Variants in SCLT1 observed in about 807,000 individuals in gnomAD.
SCLT1 encodes sodium channel and clathrin linker 1.
SCLT1 carries 78 observed loss-of-function variants against 112.8 expected under a neutral mutation model. That is an observed-to-expected ratio of 0.69 (90% CI 0.58 to 0.83). The LOEUF (loss-of-function observed/expected upper bound fraction) is 0.83. Among genes scored for constraint, SCLT1 ranks in the 40% least tolerant of loss-of-function variants. SCLT1 has a pLI of 0.00. For missense variants in SCLT1, 747 were observed against 770.4 expected, an observed-to-expected ratio of 0.97 and a Z score of 0.36; for synonymous variants, 257 against 254.7, an observed-to-expected ratio of 1.01 and a Z score of -0.09.
chr4:129,063,700 G>T (rs951731051), intron 2 of SCLT1, among the ~76,000 whole-genome samples: 1 of 152,192 alleles, frequency 6.6e-6, no homozygotes, highest in Non-Finnish European at 1.5e-5. Context: ...CTGCAAAGTG[G>T]TTAGTAGGAT....
intron 20 of SCLT1, among the ~76,000 whole-genome samples, chr4:128,886,316 T>C (rs1732889874): frequency 6.6e-6 from 1 of 152,178 alleles, no homozygotes; most frequent in Non-Finnish European, 1.5e-5. Context: ...ATTGAACCAG[T>C]AACACGATGC....
chr4:129,015,552 A>G (rs1440176309), intron 5 of SCLT1, among the ~76,000 whole-genome samples: 2 of 152,110 alleles, frequency 1.3e-5, no homozygotes, highest in Admixed American at 1.3e-4. Flanking sequence ...GAGCAAGTTG[A>G]GCCTAAGGAA....
intron 1 of SCLT1, among the ~76,000 whole-genome samples, chr4:129,092,864 T>C (rs1752972197): frequency 1.3e-5 from 2 of 152,214 alleles, no homozygotes; most frequent in Admixed American, 6.5e-5. Context: ...TAGAATTCTG[T>C]GTAAGCTACA....
chr4:128,989,116 T>C (rs979259328), intron 9 of SCLT1, among the ~76,000 whole-genome samples: 1 of 151,902 alleles, frequency 6.6e-6, no homozygotes, highest in Non-Finnish European at 1.5e-5. Flanking sequence ...ATTTGTACTA[T>C]AGACTACATT....
chr4:128,921,787 T>A (rs985272322), intron 18 of SCLT1, among the ~76,000 whole-genome samples: 1 of 152,084 alleles, frequency 6.6e-6, no homozygotes, highest in African/African-American at 2.4e-5. Context: ...AAAATAAAAG[T>A]TGACATGTGG....
Position 129,003,855 on chromosome 4 carries a change from A to G in SCLT1, c.312T>C (p.Asp104=), listed in dbSNP as rs115856712. The change falls in exon 6 of 21, where the codon GAT becomes GAC. Residue 104 remains aspartate, a synonymous_variant. Transcript: ENST00000281142. ...ENERLHSELK[D]AVEKKLEAFP... is the part of the protein sequence containing the mutation. ...AGGCCTCCAATTTTTTTTCAACAGC[A>G]TCTTTTAATTCACTGTGCAACCTTT... 1.2e-6 allele frequency: 2 copies of G among 1,612,208 alleles called. No individual in the cohort carries two copies. Among genetic ancestry groups the G allele is most frequent in the East Asian group, 2.2e-5 (1 of 44,704 alleles).
chr4:128,911,316 A>C (rs537353434), intron 18 of SCLT1, among the ~76,000 whole-genome samples: 2 of 152,314 alleles, frequency 1.3e-5, no homozygotes, highest in South Asian at 4.1e-4. Flanking sequence ...CTCTCATTTA[A>C]GTAAGATTAG....
intron 2 of SCLT1, among the ~76,000 whole-genome samples, chr4:129,055,840 A>T (rs1375972223): frequency 6.6e-6 from 1 of 151,826 alleles, no homozygotes; most frequent in Non-Finnish European, 1.5e-5. Context: ...AACAAAAACA[A>T]ACAAACAAAC....
At position 129,044,055 on chromosome 4, in the gene SCLT1, T is replaced by C. The variant is rs772301009; in HGVS notation, c.103-4A>G. ...CTTCTCCTTGGCAGACAGCTTTCTA[T>C]AAAAGAATGTACATCTTAAAATGTG... On this transcript the variant is annotated splice_region_variant and splice_polypyrimidine_tract_variant and intron_variant, in intron 2 of 20. Coordinates refer to ENST00000281142, the MANE Select transcript of SCLT1 (RefSeq NM_144643.4). 4 of 1,522,652 alleles carry C rather than the reference T, an allele frequency of 2.6e-6. No individual in the cohort carries two copies. In the African/African-American group the frequency reaches 5.5e-5, roughly 21 times the overall value. The allele number at this position is 1,522,652 out of a possible 1,614,324, so 94.3% of individuals were successfully genotyped here. A position where few individuals can be genotyped will look rare whatever the true frequency, so the allele number is the denominator to read the frequency against.
At chr4:128,874,869 CAAG>C (rs1327692438) in intron 4 of SCLT1, 28 of 152,436 alleles carry the variant, frequency 1.8e-4, no homozygotes, top group Non-Finnish European at 3.2e-4. Flanking sequence ...GTTATAAACA[CAAG>C]ATCTAAATGA....
chr4:128,925,680 G>C lies in SCLT1; in HGVS notation c.1829+10975C>G, dbSNP rs906075897. On this transcript the variant is annotated intron_variant, in intron 18 of 20. Transcript: ENST00000281142. ...TCCCTGCCCTCCTGGGACTACAGTTGTATGTATTTTATACTGCTTGATATT... is the reference window on the plus strand; with the variant it reads ...TCCCTGCCCTCCTGGGACTACAGTTCTATGTATTTTATACTGCTTGATATT... Among the ~76,000 whole-genome samples the C allele has an allele frequency of 1.4e-4, 22 of 152,158 alleles. 1 individual carries two copies. The highest frequency in any genetic ancestry group is 5.3e-4 in the African/African-American group (22 of 41,494).
chr4:128,920,690 A>G (rs575232203), intron 18 of SCLT1, among the ~76,000 whole-genome samples: 1 of 152,320 alleles, frequency 6.6e-6, no homozygotes, highest in East Asian at 1.9e-4. Flanking sequence ...TATATGATAG[A>G]CCCACAGATA....
intron 18 of SCLT1, among the ~76,000 whole-genome samples, chr4:128,894,957 C>T (rs1012791389): frequency 5.9e-5 from 9 of 152,152 alleles, no homozygotes; most frequent in Admixed American, 2.0e-4. Context: ...GGATTACAGG[C>T]ATGAGCCACC....
chr4:128,985,882 A>G (rs1742048033), intron 9 of SCLT1, among the ~76,000 whole-genome samples: 1 of 152,120 alleles, frequency 6.6e-6, no homozygotes, highest in African/African-American at 2.4e-5. Flanking sequence ...CCCAGCCTAA[A>G]TCTCGATTAA....
chr4:129,003,547 G>A (rs1743717938), intron 6 of SCLT1, among the ~76,000 whole-genome samples, 194 bp downstream of exon 6: 3 of 151,708 alleles, frequency 2.0e-5, no homozygotes, highest in Admixed American at 2.0e-4. Flanking sequence ...AACCAGTGAG[G>A]GTATTTGGCA....
At position 129,039,085 on chromosome 4, in the gene SCLT1, A is replaced by T; in HGVS notation, c.246T>A (p.Gly82=). Reference sequence around the variant, plus strand: ...CATTTTCAAGTTGTAATTTCATCTCACCCACCTGTTTCTGAAAGAATAAAA... The same window carrying T: ...CATTTTCAAGTTGTAATTTCATCTCTCCCACCTGTTTCTGAAAGAATAAAA... The part of the protein sequence containing the change: ...GQLKYYQKQV[G]EMKLQLENVI... Residue 82 remains glycine (G), a synonymous_variant, in exon 5 of 21, where the codon GGT becomes GGA. Transcript: ENST00000281142. The T allele has an allele frequency of 6.3e-7, 1 of 1,599,162 alleles. No homozygotes were observed. The highest frequency in any genetic ancestry group is 8.6e-7 in the Non-Finnish European group (1 of 1,166,994).
Position 129,008,803 on chromosome 4 carries a change from C to T in SCLT1, c.291-4927G>A, listed in dbSNP as rs61547286. Among the ~76,000 whole-genome samples, 801 of 152,194 alleles carry T rather than the reference C, an allele frequency of 5.3e-3. 8 individuals are homozygous for T. The highest frequency in any genetic ancestry group is 0.018 in the African/African-American group (760 of 41,544). On this transcript the variant is annotated intron_variant, in intron 5 of 20. Coordinates refer to ENST00000281142, the MANE Select transcript of SCLT1 (RefSeq NM_144643.4). ...ACTCATTATTCTTTTTCCTGATCCT[C>T]TCCCTCCTCCCAGCCTCCACCCATT... is the stretch of plus-strand genomic sequence containing the variant.
intron 5 of SCLT1, among the ~76,000 whole-genome samples, chr4:129,027,119 G>A (rs1239802525): frequency 3.3e-5 from 5 of 152,200 alleles, no homozygotes; most frequent in African/African-American, 9.6e-5. Context: ...TTCTACCAGA[G>A]GTACAAGGAG....
intron 18 of SCLT1, among the ~76,000 whole-genome samples, chr4:128,922,184 T>C (rs1321948970): frequency 1.3e-5 from 2 of 152,216 alleles, no homozygotes; most frequent in Non-Finnish European, 2.9e-5. Context: ...ACGGAATGCC[T>C]ATCCTCTGCT....
Sources: allele counts gnomAD v4.1 joint callset (sites outside exome capture counted in the v4.1 genomes callset), GRCh38; gene constraint gnomAD v4.1.1; transcripts MANE v1.5; gene names NCBI Gene and HGNC (gene_info 2026-07-23, HGNC 2026-07-21).